The following DMD variants were observed in gnomAD, a reference collection of about 807,000 sequenced individuals.
DMD encodes the protein dystrophin.
In DMD, 63 loss-of-function variants were observed where a neutral mutation model predicts 330.1. The observed-to-expected ratio is 0.19, with a 90% confidence interval of 0.16 to 0.24. DMD has a LOEUF of 0.24. Ranked by LOEUF, DMD falls within the 10% of genes least tolerant of loss-of-function variation. The pLI is 1.00. For missense variants in DMD, 3,344 were observed against 2,684.1 expected (o/e 1.25, Z -5.43); for synonymous variants, 1,223 against 959.8 (o/e 1.27, Z -5.07).
chrX:31,928,657 G>C (rs1376653634), intron 47 of DMD, among the ~76,000 whole-genome samples: 2 of 110,919 alleles, frequency 1.8e-5, no homozygotes, highest in African/African-American at 6.5e-5. Flanking sequence ...GGTGATGGTT[G>C]TAATAAATGC....
At chrX:32,924,103 A>T (rs1176546159) in intron 2 of DMD, among the ~76,000 whole-genome samples, 2 of 112,203 alleles carry the variant, frequency 1.8e-5, no homozygotes, top group Admixed American at 9.5e-5. Flanking sequence ...TTTTGCTTAC[A>T]AAAGATTCTA....
intron 61 of DMD, among the ~76,000 whole-genome samples, chrX:31,324,321 T>G (rs1421047344): frequency 1.8e-5 from 2 of 110,854 alleles, no homozygotes; most frequent in Non-Finnish European, 3.8e-5. Context: ...ACGTGAAATT[T>G]CATTTCACAT....
intron 62 of DMD, chrX:31,266,987 G>GCGCTGCGGGCAGACGGGGCGGGGC (rs2051216007): frequency 2.3e-6 from 2 of 853,551 alleles, no homozygotes; most frequent in African/African-American, 4.4e-5. Context: ...CGGGGAGGGG[G>GCGCTGCGGGCAGACGGGGCGGGGC]CGCTGCGGGC....
chrX:33,167,875 G>T (rs1229604552), intron 1 of DMD, among the ~76,000 whole-genome samples: 1 of 111,125 alleles, frequency 9.0e-6, no homozygotes, highest in Non-Finnish European at 1.9e-5. Flanking sequence ...TTTGTGTAAA[G>T]AGAGAATATT....
At chrX:32,777,203 A>C in intron 7 of DMD, among the ~76,000 whole-genome samples, 1 of 88,843 alleles carries the variant, frequency 1.1e-5, no homozygotes, top group East Asian at 4.0e-4. Flanking sequence ...TTATCAATTT[A>C]TCCAGGTCAG....
intron 1 of DMD, among the ~76,000 whole-genome samples, chrX:33,057,400 CT>C (rs1194062675): frequency 9.1e-6 from 1 of 110,353 alleles, no homozygotes; most frequent in Non-Finnish European, 1.9e-5. Flanking sequence ...GGTAACTAAT[CT>C]TTTTTTTTGT....
At chrX:31,506,982 CAAGA>C (rs899628980) in intron 56 of DMD, among the ~76,000 whole-genome samples, 1 of 111,597 alleles carries the variant, frequency 9.0e-6, no homozygotes, top group African/African-American at 3.3e-5. Flanking sequence ...TGTGATATGC[CAAGA>C]GAGAAATTTA....
At chrX:31,157,840 G>A (rs748746956) in intron 74 of DMD, among the ~76,000 whole-genome samples, 230 of 100,787 alleles carry the variant, frequency 2.3e-3, no homozygotes, top group African/African-American at 8.2e-3. Flanking sequence ...GCCTTGCTCT[G>A]TCACCCAGGC....
At chrX:32,470,321 T>G (rs2040493616) in intron 22 of DMD, among the ~76,000 whole-genome samples, 1 of 111,631 alleles carries the variant, frequency 9.0e-6, no homozygotes, top group African/African-American at 3.2e-5. Context: ...CATCGATTTT[T>G]ATGCTTCTCC....
intron 56 of DMD, among the ~76,000 whole-genome samples, chrX:31,506,779 T>C (rs1278201247): frequency 8.9e-6 from 1 of 112,398 alleles, no homozygotes; most frequent in Non-Finnish European, 1.9e-5. Context: ...AGGAAGTTGC[T>C]ATAGTCTCTC....
chrX:32,988,218 A>C (rs1443417036), intron 2 of DMD, among the ~76,000 whole-genome samples: 1 of 111,406 alleles, frequency 9.0e-6, no homozygotes, highest in Non-Finnish European at 1.9e-5. Flanking sequence ...CCTTAAAAAT[A>C]ATCATGATAG....
At chrX:31,710,389 C>A (rs980771014) in intron 52 of DMD, among the ~76,000 whole-genome samples, 7 of 111,170 alleles carry the variant, frequency 6.3e-5, no homozygotes, top group African/African-American at 1.3e-4. Context: ...CAAACATGTG[C>A]TATTATGTTT....
chrX:32,776,162 CA>C, intron 7 of DMD, among the ~76,000 whole-genome samples: 1 of 111,295 alleles, frequency 9.0e-6, no homozygotes, highest in East Asian at 2.9e-4. Flanking sequence ...TCCTCATCTC[CA>C]TCTGAGACTA....
At chrX:31,577,623 G>T (rs1174750789) in intron 55 of DMD, among the ~76,000 whole-genome samples, 1 of 112,224 alleles carries the variant, frequency 8.9e-6, no homozygotes, top group African/African-American at 3.2e-5. Context: ...TTCTTATGTG[G>T]CTGGGAAAGG....
At chrX:32,197,496 G>C (rs924915795) in intron 44 of DMD, among the ~76,000 whole-genome samples, 1 of 111,542 alleles carries the variant, frequency 9.0e-6, no homozygotes, top group African/African-American at 3.3e-5. Context: ...CAGCATTTTT[G>C]ACTTAAGATA....
At chrX:31,306,845 T>A (rs918470399) in intron 62 of DMD, among the ~76,000 whole-genome samples, 8 of 111,865 alleles carry the variant, frequency 7.2e-5, no homozygotes, top group African/African-American at 2.3e-4. Context: ...GATTAAAATA[T>A]TGCTGGTCTG....
At chrX:32,840,830 T>C (rs768152812) in intron 4 of DMD, among the ~76,000 whole-genome samples, 18 of 112,281 alleles carry the variant, frequency 1.6e-4, no homozygotes, top group South Asian at 3.7e-4. Context: ...CAGTTTGGGC[T>C]ATCACAAATG....
At chrX:32,478,365 T>A (rs946117767) in intron 21 of DMD, among the ~76,000 whole-genome samples, 2 of 111,656 alleles carry the variant, frequency 1.8e-5, no homozygotes, top group African/African-American at 6.5e-5. Flanking sequence ...CCCACCTTTT[T>A]CCTCATTCCC....
At chrX:32,462,115 C>T (rs183647485) in intron 25 of DMD, among the ~76,000 whole-genome samples, 2 of 111,295 alleles carry the variant, frequency 1.8e-5, no homozygotes, top group Non-Finnish European at 3.8e-5. Context: ...ACAGTAGTTC[C>T]CTTGTATCTT....
Sources: allele counts gnomAD v4.1 joint callset (sites outside exome capture counted in the v4.1 genomes callset), GRCh38; gene constraint gnomAD v4.1.1; transcripts MANE v1.5; gene names NCBI Gene and HGNC (gene_info 2026-07-23, HGNC 2026-07-21).